Variants in CCNY observed in about 807,000 individuals in gnomAD.
CCNY encodes cyclin Y.
Under a neutral mutation model 42.8 loss-of-function variants are expected in CCNY, and 19 were observed. That is an observed-to-expected ratio of 0.44 (90% CI 0.31 to 0.65). The LOEUF (loss-of-function observed/expected upper bound fraction) is 0.65. Among genes scored for constraint, CCNY ranks in the 30% least tolerant of loss-of-function variants. The pLI is 0.07. For synonymous variants in CCNY, 165 were observed against 162.7 expected (o/e 1.01, Z -0.11); for missense variants, 370 against 437.3 (o/e 0.85, Z 1.37).
At chr10:35,333,596 C>T (rs1283173752), upstream of CCNY, among the ~76,000 whole-genome samples, 2 of 152,106 alleles carry the variant, frequency 1.3e-5, no homozygotes, top group African/African-American at 4.8e-5. Flanking sequence ...GGTTCAAATC[C>T]CCAATTAGGA....
At chr10:35,367,668 C>T (rs941132795) in intron 1 of CCNY, among the ~76,000 whole-genome samples, 6 of 152,224 alleles carry the variant, frequency 3.9e-5, no homozygotes, top group Non-Finnish European at 7.3e-5. Context: ...CACCTTCCTG[C>T]TGCTGCCTGG....
At position 35,391,072 on chromosome 10, in the gene CCNY, C is replaced by T. The variant is rs537028595; in HGVS notation, c.154+53865C>T. On this transcript the variant is annotated intron_variant, in intron 1 of 9. Transcript: ENST00000374704. ...AAATGAAATGCTTGTTCCCCAGTGC[C>T]GCAAAGAAATAGCACTCAAACATAA... is the stretch of plus-strand genomic sequence containing the variant. 7.9e-5 allele frequency among the ~76,000 whole-genome samples: 12 copies of T among 152,216 alleles called. No homozygotes were observed. In the East Asian group the frequency reaches 1.2e-3, roughly 15 times the overall value.
intron 7 of CCNY, among the ~76,000 whole-genome samples, chr10:35,549,421 A>G (rs900483936): frequency 4.6e-5 from 7 of 151,136 alleles, no homozygotes; most frequent in African/African-American, 1.7e-4. Context: ...CCATGACCCT[A>G]CAGTGCTCGT....
rs370638418 is a variant in CCNY, at chr10:35,416,617, A to G, written c.155-66787A>G. On this transcript the variant is annotated intron_variant, in intron 1 of 9. Coordinates refer to ENST00000374704, the MANE Select transcript of CCNY (RefSeq NM_145012.6). ...AATGGTGGTGAAGATACCATAGAAC[A>G]AAAGATTTCCTGTTGCTTTCTGTGC... Among the ~76,000 whole-genome samples the G allele has an allele frequency of 7.2e-5, 11 of 152,332 alleles. No homozygotes were observed. The East Asian group carries it at 2.1e-3, about 29-fold the overall frequency.
chr10:35,537,135 C>T (rs894938835), intron 7 of CCNY, among the ~76,000 whole-genome samples: 3 of 152,186 alleles, frequency 2.0e-5, no homozygotes, highest in East Asian at 1.9e-4. Flanking sequence ...AGGCACAGCT[C>T]GGGCTGTTGC....
chr10:35,265,718 T>A (rs1402850247), intron 3 of CCNY, among the ~76,000 whole-genome samples: 2 of 152,348 alleles, frequency 1.3e-5, no homozygotes, highest in East Asian at 1.9e-4. Flanking sequence ...ATATGTGAAG[T>A]TTCCTTAGTG....
At chr10:35,307,813 T>A in intron 3 of CCNY, among the ~76,000 whole-genome samples, 1 of 71,074 alleles carries the variant, frequency 1.4e-5, no homozygotes, top group Admixed American at 1.8e-4. Flanking sequence ...TATATATATA[T>A]ATATATTTTT....
chr10:35,289,161 T>G (rs906787689), intron 3 of CCNY, among the ~76,000 whole-genome samples: 1 of 152,110 alleles, frequency 6.6e-6, no homozygotes, highest in Non-Finnish European at 1.5e-5. Flanking sequence ...TTTTGTATAT[T>G]ATTATAAATG....
In CCNY at chr10:35,276,143, C is replaced by T. The variant is rs80013743; in HGVS notation, c.-9+25517C>T. On this transcript the variant is annotated intron_variant, in intron 3 of 11. Transcript: ENST00000374706. ...TCGGGTCCAGAAACAAACAAGGGAT[C>T]GTGACTTACTGCAGTGGCTACCTTT... Among the ~76,000 whole-genome samples, 718 of 152,272 alleles carry T rather than the reference C, an allele frequency of 4.7e-3. 5 individuals carry two copies. The highest frequency in any genetic ancestry group is 0.01 in the Middle Eastern group (3 of 294).
intron 4 of CCNY, among the ~76,000 whole-genome samples, chr10:35,518,203 A>G (rs748045616): frequency 9.2e-5 from 14 of 152,202 alleles, no homozygotes; most frequent in African/African-American, 1.7e-4. Flanking sequence ...CTGTGTGACA[A>G]TTTGATAGTT....
chr10:35,563,636 A>G (rs1391833651), intron 8 of CCNY, among the ~76,000 whole-genome samples: 3 of 152,186 alleles, frequency 2.0e-5, no homozygotes, highest in Non-Finnish European at 2.9e-5. Flanking sequence ...CTCTTATTAA[A>G]TCTCATTTAA....
intron 3 of CCNY, among the ~76,000 whole-genome samples, chr10:35,277,075 C>A (rs1180011253): frequency 2.0e-5 from 3 of 152,204 alleles, no homozygotes; most frequent in Admixed American, 1.3e-4. Flanking sequence ...CAGGACTCAG[C>A]CAGATTCTGC....
At chr10:35,545,177 A>G (rs1252339528) in intron 7 of CCNY, among the ~76,000 whole-genome samples, 1 of 152,240 alleles carries the variant, frequency 6.6e-6, no homozygotes, top group East Asian at 1.9e-4. Flanking sequence ...AGAAATCTCC[A>G]AGCCAAACGA....
chr10:35,533,273 A>C (rs1840808917), intron 7 of CCNY, among the ~76,000 whole-genome samples: 1 of 152,070 alleles, frequency 6.6e-6, no homozygotes, highest in Non-Finnish European at 1.5e-5. Context: ...CATGACCCAG[A>C]GTTGAAGGAG....
chr10:35,515,095 C>T (rs182387934), intron 3 of CCNY, among the ~76,000 whole-genome samples: 1 of 152,318 alleles, frequency 6.6e-6, no homozygotes, highest in Non-Finnish European at 1.5e-5. Context: ...TGAAAACTGA[C>T]ATTTGACTTC....
chr10:35,463,588 A>G (rs946756571), intron 1 of CCNY, among the ~76,000 whole-genome samples: 10 of 152,256 alleles, frequency 6.6e-5, no homozygotes, highest in African/African-American at 7.2e-5. Flanking sequence ...AGAGATTACA[A>G]TTTGATAACA....
At chr10:35,483,500 C>G (rs1839719222) in intron 2 of CCNY, 22 bp downstream of exon 2, 1 of 1,503,062 alleles carries the variant, frequency 6.7e-7, no homozygotes, top group Admixed American at 1.8e-5. Flanking sequence ...ATTTATGTTT[C>G]TTTTTGTAAA....
intron 3 of CCNY, among the ~76,000 whole-genome samples, chr10:35,329,681 G>A (rs1216925904): frequency 1.3e-5 from 2 of 152,166 alleles, no homozygotes; most frequent in African/African-American, 2.4e-5. Flanking sequence ...ATGCAGAGGT[G>A]GGGAGGAATG....
At chr10:35,479,764 T>TAAA (rs572142241) in intron 1 of CCNY, among the ~76,000 whole-genome samples, 9 of 145,286 alleles carry the variant, frequency 6.2e-5, no homozygotes, top group African/African-American at 2.3e-4. Flanking sequence ...ATAATAATAA[T>TAAA]AAAAAAAAAA....
Sources: allele counts gnomAD v4.1 joint callset (sites outside exome capture counted in the v4.1 genomes callset), GRCh38; gene constraint gnomAD v4.1.1; transcripts MANE v1.5; gene names NCBI Gene and HGNC (gene_info 2026-07-23, HGNC 2026-07-21).